The following MACROD2 variants were observed in gnomAD, a reference collection of about 807,000 sequenced individuals.
MACROD2 encodes the protein ADP-ribose glycohydrolase MACROD2.
Under a neutral mutation model 70.4 loss-of-function variants are expected in MACROD2, and 36 were observed. The ratio of observed to expected loss-of-function variants is 0.51; its 90% CI spans 0.39 to 0.68. The LOEUF (loss-of-function observed/expected upper bound fraction) is 0.68, where lower values mean the gene tolerates loss of function less well. Ranked by LOEUF, MACROD2 falls within the 30% of genes least tolerant of loss-of-function variation. The pLI, the probability that MACROD2 is intolerant of heterozygous loss-of-function variation, is 0.00. For missense variants in MACROD2, 496 were observed against 538.4 expected (o/e 0.92, Z 0.78); for synonymous variants, 172 against 178.8 (o/e 0.96, Z 0.30).
intron 5 of MACROD2, among the ~76,000 whole-genome samples, chr20:14,767,894 G>C (rs6042907): frequency 0.032 from 4,848 of 151,852 alleles, 288 homozygotes; most frequent in African/African-American, 0.11. Context: ...GCAGTGTTTG[G>C]TTTTCTGTTC....
intron 4 of MACROD2, among the ~76,000 whole-genome samples, chr20:14,654,413 G>A (rs953362648): frequency 6.6e-6 from 1 of 151,848 alleles, no homozygotes; most frequent in Non-Finnish European, 1.5e-5. Flanking sequence ...GGGTATGGTG[G>A]TGGGTGCCTG....
intron 8 of MACROD2, among the ~76,000 whole-genome samples, chr20:15,554,228 A>G (rs2048135799): frequency 6.6e-6 from 1 of 152,210 alleles, no homozygotes; most frequent in Non-Finnish European, 1.5e-5. Flanking sequence ...GCACAGCTAA[A>G]TCTGGGGCTA....
In MACROD2 at chr20:14,315,436, A is replaced by T. The variant is rs145412692; in HGVS notation, c.272-178043A>T. ...TATTCATTCATCCAACAAATATTTTATAAGTGTCCACTAGGTTTCAAGCAT... is the reference window on the plus strand; with the variant it reads ...TATTCATTCATCCAACAAATATTTTTTAAGTGTCCACTAGGTTTCAAGCAT... On this transcript the variant is annotated intron_variant, in intron 3 of 17. Transcript: ENST00000684519. Among the ~76,000 whole-genome samples, 9 of 152,356 alleles carry T rather than the reference A, an allele frequency of 5.9e-5. No individual in the cohort carries two copies. The East Asian group carries it at 1.7e-3, about 29-fold the overall frequency.
intron 2 of MACROD2, among the ~76,000 whole-genome samples, chr20:14,074,117 C>T (rs1263984537): frequency 6.6e-6 from 1 of 152,178 alleles, no homozygotes; most frequent in Non-Finnish European, 1.5e-5. Context: ...CATCTTACCC[C>T]TAGTGTTTCC....
At chr20:15,572,784 G>T (rs1318370798) in intron 8 of MACROD2, among the ~76,000 whole-genome samples, 1 of 152,070 alleles carries the variant, frequency 6.6e-6, no homozygotes, top group Admixed American at 6.6e-5. Flanking sequence ...TTGATGGAGT[G>T]TATGTTTTTA....
intron 5 of MACROD2, among the ~76,000 whole-genome samples, chr20:14,887,587 C>T (rs1183553213): frequency 2.6e-5 from 4 of 151,772 alleles, no homozygotes; most frequent in Non-Finnish European, 5.9e-5. Flanking sequence ...GGCGTTTCAC[C>T]ATGTTGCCCA....
intron 8 of MACROD2, among the ~76,000 whole-genome samples, chr20:15,583,343 A>G (rs2048552723): frequency 6.6e-6 from 1 of 152,246 alleles, no homozygotes; most frequent in African/African-American, 2.4e-5. Context: ...TTTAACGGGC[A>G]GATTATGTAT....
intron 15 of MACROD2, among the ~76,000 whole-genome samples, chr20:16,038,280 G>A (rs2067261162): frequency 6.6e-6 from 1 of 151,642 alleles, no homozygotes; most frequent in African/African-American, 2.4e-5. Flanking sequence ...ACAGTGGTTT[G>A]AGATGATATC....
intron 5 of MACROD2, among the ~76,000 whole-genome samples, chr20:15,102,983 A>G (rs1220186662): frequency 1.3e-5 from 2 of 152,180 alleles, no homozygotes; most frequent in African/African-American, 2.4e-5. Context: ...TTTAAAACAT[A>G]CAGTGATATG....
At chr20:14,734,685 C>T (rs1027645595) in intron 5 of MACROD2, among the ~76,000 whole-genome samples, 5 of 151,870 alleles carry the variant, frequency 3.3e-5, no homozygotes, top group African/African-American at 1.2e-4. Context: ...GCCAAAATGA[C>T]TTTGATAAAG....
chr20:14,398,917 G>A (rs777335367), intron 3 of MACROD2, among the ~76,000 whole-genome samples: 4 of 151,708 alleles, frequency 2.6e-5, no homozygotes, highest in Non-Finnish European at 4.4e-5. Flanking sequence ...TAAACAGCAC[G>A]CCCTGTTCAT....
intron 15 of MACROD2, among the ~76,000 whole-genome samples, chr20:16,014,786 G>A (rs928498891): frequency 5.3e-5 from 8 of 152,196 alleles, no homozygotes; most frequent in East Asian, 1.9e-4. Context: ...TAAAGACCCC[G>A]CTCTCACCTC....
chr20:15,348,677 AAGAG>A (rs1195044959), intron 6 of MACROD2, among the ~76,000 whole-genome samples: 1 of 152,182 alleles, frequency 6.6e-6, no homozygotes, highest in Non-Finnish European at 1.5e-5. Flanking sequence ...GGTGGGAAGC[AAGAG>A]AGAGCTTGTG....
rs1175823234 is a variant in MACROD2 at position 15,950,163 on chromosome 20, C to A, written c.907+12619C>A. 2.0e-5 allele frequency among the ~76,000 whole-genome samples: 3 copies of A among 152,130 alleles called. No homozygotes were observed. In the East Asian group the frequency reaches 5.8e-4, roughly 29 times the overall value. Reference sequence around the variant, plus strand: ...TGTAGTCTATTTTTCTATAAAATATCATTTAGACTAGCTCAGTGGTTCTCA... The same window carrying A: ...TGTAGTCTATTTTTCTATAAAATATAATTTAGACTAGCTCAGTGGTTCTCA... On this transcript the variant is annotated intron_variant, in intron 12 of 17. Coordinates refer to ENST00000684519, the MANE Select transcript of MACROD2 (RefSeq NM_001351661.2).
intron 5 of MACROD2, among the ~76,000 whole-genome samples, chr20:14,774,869 G>A (rs958647116): frequency 6.6e-6 from 1 of 151,984 alleles, no homozygotes; most frequent in Non-Finnish European, 1.5e-5. Context: ...CAATTTTGCT[G>A]CTTTATTTAT....
intron 4 of MACROD2, among the ~76,000 whole-genome samples, chr20:14,608,759 C>A (rs1013472201): frequency 6.6e-6 from 1 of 151,862 alleles, no homozygotes; most frequent in East Asian, 1.9e-4. Flanking sequence ...GTGAATGGGG[C>A]TGTAGGAAAA....
intron 5 of MACROD2, among the ~76,000 whole-genome samples, chr20:15,205,660 A>G (rs1480738720): frequency 6.6e-6 from 1 of 152,238 alleles, no homozygotes; most frequent in Non-Finnish European, 1.5e-5. Flanking sequence ...TGTTACTTCA[A>G]AGAAAGAAGA....
At chr20:14,884,219 C>T (rs1322295752) in intron 5 of MACROD2, 1 of 152,134 alleles carries the variant, frequency 6.6e-6, no homozygotes, top group Non-Finnish European at 1.5e-5. Flanking sequence ...TCTGGTTATC[C>T]ATAGCTTTTA....
rs548114328 is a variant in MACROD2, at chr20:15,063,429, A to G, written c.419-166511A>G. 1.6e-4 allele frequency among the ~76,000 whole-genome samples: 25 copies of G among 152,354 alleles called. No homozygotes were observed. In the South Asian group the frequency reaches 4.6e-3, roughly 28 times the overall value. On this transcript the variant is annotated intron_variant, in intron 5 of 17. Transcript: ENST00000684519. ...AATACTGAATTGCAACCACATGCAG[A>G]TAGCACATGTAATAAAAGAAGCCTG...
Sources: gnomAD v4.1 joint callset for allele counts (sites outside exome capture counted in the v4.1 genomes callset) on GRCh38, gnomAD v4.1.1 for gene constraint, MANE v1.5 for transcripts, NCBI Gene and HGNC (gene_info 2026-07-23, HGNC 2026-07-21) for gene names.